DLGAP2: variants seen among roughly 807,000 people sequenced by gnomAD.
DLGAP2 encodes the protein DLG associated protein 2.
A neutral mutation model predicts 100.3 loss-of-function variants in DLGAP2; 26 were observed. That is an observed-to-expected ratio of 0.26 (90% CI 0.19 to 0.36). DLGAP2 has a LOEUF of 0.36. DLGAP2 is among the 10% of genes least tolerant of loss of function. The pLI is 1.00. For missense variants in DLGAP2, 1,858 were observed against 1,453.2 expected (o/e 1.28, Z -4.53); for synonymous variants, 886 against 630.1 (o/e 1.41, Z -6.08).
intron 3 of DLGAP2, among the ~76,000 whole-genome samples, chr8:1,484,528 G>A (rs749330859): frequency 1.2e-4 from 19 of 152,322 alleles, no homozygotes; most frequent in Admixed American, 7.2e-4. Context: ...TGATCACGAC[G>A]GCTGAGGCCT....
chr8:1,216,621 C>T (rs192126492), intron 2 of DLGAP2, among the ~76,000 whole-genome samples: 96 of 152,236 alleles, frequency 6.3e-4, no homozygotes, highest in Admixed American at 6.3e-3. Context: ...CAGGCATGAG[C>T]TACCACATCC....
intron 3 of DLGAP2, among the ~76,000 whole-genome samples, chr8:1,465,086 C>T (rs1489025158): frequency 6.6e-6 from 1 of 152,240 alleles, no homozygotes; most frequent in African/African-American, 2.4e-5. Context: ...TCCCCTAATT[C>T]AGCACATTCA....
chr8:1,438,527 G>A (rs373888579), intron 3 of DLGAP2, among the ~76,000 whole-genome samples: 3 of 152,158 alleles, frequency 2.0e-5, no homozygotes, highest in Non-Finnish European at 2.9e-5. Flanking sequence ...CTCACCACTA[G>A]CTTTTGACTA....
intron 2 of DLGAP2, among the ~76,000 whole-genome samples, chr8:1,086,508 A>G (rs1373474630): frequency 2.0e-5 from 3 of 152,208 alleles, no homozygotes; most frequent in Non-Finnish European, 2.9e-5. Context: ...ACCCAACTAT[A>G]TGCTGCCCAC....
chr8:1,126,814 GC>G (rs1391604855), intron 2 of DLGAP2, among the ~76,000 whole-genome samples: 2 of 152,052 alleles, frequency 1.3e-5, no homozygotes, highest in Non-Finnish European at 2.9e-5. Context: ...ACTCCCACGG[GC>G]TCTGGAAGGC....
rs537818876 is a variant in DLGAP2, at chr8:1,055,225, G to A, written c.73+147259G>A. On this transcript the variant is annotated intron_variant, in intron 2 of 14. Transcript: ENST00000637795. ...TGATGACATTCTCTAAACATAAAGC[G>A]CTTTTGCTGGTGGTTTCGGCCTGAT... Among the ~76,000 whole-genome samples the A allele has an allele frequency of 2.8e-4, 42 of 152,286 alleles. No homozygotes were observed. In the South Asian group the frequency reaches 6.2e-3, roughly 23 times the overall value.
chr8:1,681,688 C>T (rs1798950163), intron 12 of DLGAP2, among the ~76,000 whole-genome samples: 1 of 152,210 alleles, frequency 6.6e-6, no homozygotes, highest in South Asian at 2.1e-4. Flanking sequence ...TCTCCCTGAA[C>T]ACATATGATA....
intron 2 of DLGAP2, among the ~76,000 whole-genome samples, chr8:951,896 C>A (rs1469380545): frequency 6.6e-6 from 1 of 152,240 alleles, no homozygotes; most frequent in Non-Finnish European, 1.5e-5. Flanking sequence ...CTGGTAGACT[C>A]ATTGGAACCA....
At chr8:877,693 T>C (rs1035739431) in intron 1 of DLGAP2, among the ~76,000 whole-genome samples, 2 of 152,236 alleles carry the variant, frequency 1.3e-5, no homozygotes, top group African/African-American at 4.8e-5. Flanking sequence ...CAGGTTCACC[T>C]GTGTCTTGAA....
intron 3 of DLGAP2, among the ~76,000 whole-genome samples, chr8:1,433,692 GT>G (rs1288824445): frequency 1.4e-5 from 2 of 144,936 alleles, no homozygotes; most frequent in Non-Finnish European, 3.0e-5. Flanking sequence ...GGTGCCTGGA[GT>G]TTTGCTAGAC....
intron 3 of DLGAP2, among the ~76,000 whole-genome samples, chr8:1,363,690 G>C (rs1328563448): frequency 1.3e-5 from 2 of 152,216 alleles, no homozygotes; most frequent in Admixed American, 6.5e-5. Context: ...TCAGGACATG[G>C]AGAGAAGCTG....
chr8:804,142 G>C (rs74401529), intron 1 of DLGAP2, among the ~76,000 whole-genome samples: 2,400 of 152,222 alleles, frequency 0.016, 60 homozygotes, highest in African/African-American at 0.055. Context: ...TCATTGTGGA[G>C]ATCTTTAAAA....
At chr8:759,155 A>AC (rs1821003747) in intron 1 of DLGAP2, among the ~76,000 whole-genome samples, 3 of 69,496 alleles carry the variant, frequency 4.3e-5, no homozygotes, top group Admixed American at 2.0e-4. Flanking sequence ...CATTATCAAT[A>AC]CCCCCCACAG....
intron 1 of DLGAP2, among the ~76,000 whole-genome samples, chr8:774,794 C>G (rs1179606293): frequency 1.1e-3 from 158 of 147,784 alleles, no homozygotes; most frequent in African/African-American, 3.8e-3. Flanking sequence ...ATGCCTCCAG[C>G]TTTGTTCTTT....
chr8:1,683,458 G>T (rs1799011374), intron 12 of DLGAP2, among the ~76,000 whole-genome samples: 1 of 151,442 alleles, frequency 6.6e-6, no homozygotes, highest in Admixed American at 6.6e-5. Flanking sequence ...GCCTTCTGTG[G>T]CCGGGGCATT....
chr8:1,615,040 G>C (rs1797106178), intron 6 of DLGAP2, among the ~76,000 whole-genome samples: 1 of 152,256 alleles, frequency 6.6e-6, no homozygotes, highest in Non-Finnish European at 1.5e-5. Flanking sequence ...GCAGACAGCT[G>C]CAGTCTCCTT....
intron 3 of DLGAP2, among the ~76,000 whole-genome samples, chr8:1,408,112 C>G (rs943699162): frequency 1.3e-5 from 2 of 152,266 alleles, no homozygotes; most frequent in Non-Finnish European, 1.5e-5. Flanking sequence ...CTGGTCTTCA[C>G]TGAGATCAAG....
At chr8:815,291 T>A (rs866476091) in intron 1 of DLGAP2, among the ~76,000 whole-genome samples, 2 of 152,208 alleles carry the variant, frequency 1.3e-5, no homozygotes, top group Non-Finnish European at 2.9e-5. Flanking sequence ...GGAGGAGCAC[T>A]GTGTCCTCAC....
At chr8:925,033 G>A (rs1209724830) in intron 2 of DLGAP2, among the ~76,000 whole-genome samples, 2 of 152,134 alleles carry the variant, frequency 1.3e-5, no homozygotes. Context: ...TGGTGAAGAT[G>A]TATTGATAAT....
Sources: gnomAD v4.1 joint callset for allele counts (sites outside exome capture counted in the v4.1 genomes callset) on GRCh38, gnomAD v4.1.1 for gene constraint, MANE v1.5 for transcripts, NCBI Gene and HGNC (gene_info 2026-07-23, HGNC 2026-07-21) for gene names.